The following SEC22C variants were observed in gnomAD, a reference collection of about 807,000 sequenced individuals.
The protein encoded by SEC22C is SEC22 homolog C, vesicle trafficking protein.
In SEC22C, 29 loss-of-function variants were observed where a neutral mutation model predicts 34.7. The ratio of observed to expected loss-of-function variants is 0.84; its 90% CI spans 0.62 to 1.14. The LOEUF (loss-of-function observed/expected upper bound fraction) is 1.14, where lower values mean the gene tolerates loss of function less well. Among genes scored for constraint, SEC22C ranks in the 50% most tolerant of loss-of-function variants. The pLI, the probability that SEC22C is intolerant of heterozygous loss-of-function variation, is 0.00. For missense variants in SEC22C, 337 were observed against 369.0 expected, an observed-to-expected ratio of 0.91 and a Z score of 0.71; for synonymous variants, 117 against 132.8, an observed-to-expected ratio of 0.88 and a Z score of 0.82.
chr3:42,595,924 G>C (rs1172737924), intron 1 of SEC22C, among the ~76,000 whole-genome samples: 1 of 152,212 alleles, frequency 6.6e-6, no homozygotes. Flanking sequence ...AGATAACGTG[G>C]TTGAGAACTG....
intron 5 of SEC22C, among the ~76,000 whole-genome samples, chr3:42,556,977 C>A (rs1445459993): frequency 6.6e-6 from 1 of 152,198 alleles, no homozygotes; most frequent in Non-Finnish European, 1.5e-5. Flanking sequence ...CCCACCTCAA[C>A]CTCCCAGAAG....
chr3:42,556,989 G>C (rs568986915), intron 5 of SEC22C, among the ~76,000 whole-genome samples: 1 of 152,246 alleles, frequency 6.6e-6, no homozygotes, highest in South Asian at 2.1e-4. Flanking sequence ...TCCCAGAAGT[G>C]CTGGAATTAC....
At chr3:42,554,773 A>G (rs1702424810) in intron 6 of SEC22C, among the ~76,000 whole-genome samples, 2 of 152,230 alleles carry the variant, frequency 1.3e-5, no homozygotes, top group Non-Finnish European at 2.9e-5. Context: ...ATCCTAGTCC[A>G]TACGGAGGAC....
chr3:42,590,562 G>A (rs2125739417), intron 1 of SEC22C, among the ~76,000 whole-genome samples: 1 of 152,038 alleles, frequency 6.6e-6, no homozygotes, highest in African/African-American at 2.4e-5. Context: ...CTCCAGCCTG[G>A]GCGACAGAGC....
chr3:42,561,358 C>A, intron 3 of SEC22C, 62 bp from the exon 4 acceptor site: 1 of 1,518,754 alleles, frequency 6.6e-7, no homozygotes, highest in East Asian at 2.3e-5. Context: ...TAAGACAATA[C>A]GTACAAAATG....
At position 42,597,148 on chromosome 3, in the gene SEC22C, G is replaced by T. The variant is rs771886805; in HGVS notation, c.-28+3812C>A. Among the ~76,000 whole-genome samples the T allele has an allele frequency of 2.2e-4, 34 of 152,202 alleles. 1 individual carries two copies. The highest frequency in any genetic ancestry group is 8.8e-5 in the Non-Finnish European group (6 of 68,052). ...AGCTTCTCAATTCAGCCTACAGACT[G>T]CTCCTCTAATAGACACACTGGACTC... On this transcript the variant is annotated intron_variant, in intron 1 of 6. Transcript: ENST00000417572.
rs1702240150 is a variant in SEC22C, at chr3:42,551,213, A to G, written c.*2035T>C. The G allele has an allele frequency of 3.0e-6, 3 of 985,330 alleles. No individual in the cohort carries two copies. Among genetic ancestry groups the G allele is most frequent in the Non-Finnish European group, 3.6e-6 (3 of 829,912 alleles). The allele number at this position is 985,330 out of a possible 1,614,324, so 61.0% of individuals were successfully genotyped here. A position where few individuals can be genotyped will look rare whatever the true frequency, so the allele number is the denominator to read the frequency against. ...CCTTAACTTCCCATTCTATTTCACC[A>G]TCTCTTCAAAATTGTCTCCCAGAAA... is the stretch of plus-strand genomic sequence containing the variant. On this transcript the variant is annotated 3_prime_UTR_variant, in exon 7 of 7. Transcript: ENST00000264454.
In SEC22C at chr3:42,557,726, G is replaced by C. The variant is rs1702616289; in HGVS notation, c.527-30C>G. 4.3e-6 allele frequency: 5 copies of C among 1,149,984 alleles called. No homozygotes were observed. The Admixed American group carries it at 9.4e-5, about 22-fold the overall frequency. The allele number at this position is 1,149,984 out of a possible 1,614,324, so 71.2% of individuals were successfully genotyped here. A position where few individuals can be genotyped will look rare whatever the true frequency, so the allele number is the denominator to read the frequency against. On this transcript the variant is annotated intron_variant, in intron 4 of 6. Coordinates refer to ENST00000264454, the MANE Select transcript of SEC22C (RefSeq NM_032970.4). Reference sequence around the variant, plus strand: ...ACAATGGAAAAAAAACAAGTGTCTAGTGTAAGTAATTTCTACATGAAAGAA... The same window carrying C: ...ACAATGGAAAAAAAACAAGTGTCTACTGTAAGTAATTTCTACATGAAAGAA...
At position 42,563,639 on chromosome 3, in the gene SEC22C, T is replaced by C. The variant is rs1703057083; in HGVS notation, c.230A>G (p.Gln77Arg). 5.0e-6 allele frequency: 8 copies of C among 1,614,022 alleles called. No individual in the cohort carries two copies. The highest frequency in any genetic ancestry group is 5.9e-6 in the Non-Finnish European group (7 of 1,180,012). Residue 77 changes from glutamine (Q) to arginine (R), a missense_variant, in exon 3 of 7, where the codon CAG (glutamine) becomes CGG (arginine). By Grantham distance (43) the Gln-to-Arg change is conservative (BLOSUM62 1). Transcript: ENST00000264454. ...GCAGAAGGCCATGGCTGCTGGACACTGGCAGGAGCAGATAGCCATGCAGGC... is the reference window on the plus strand; with the variant it reads ...GCAGAAGGCCATGGCTGCTGGACACCGGCAGGAGCAGATAGCCATGCAGGC... The part of the protein sequence containing the change: ...DVACMAICSC[Q>R]CPAAMAFCFL...
chr3:42,600,509 T>G (rs905202611), intron 1 of SEC22C: 2 of 151,758 alleles, frequency 1.3e-5, no homozygotes, highest in Non-Finnish European at 2.9e-5. Flanking sequence ...ATAGGAGCGC[T>G]GGCTGGAGGC....
At chr3:42,570,569 A>C (rs574237560) in intron 1 of SEC22C, among the ~76,000 whole-genome samples, 2 of 152,250 alleles carry the variant, frequency 1.3e-5, no homozygotes, top group Admixed American at 6.5e-5. Context: ...CCATTTCTCC[A>C]CACCTTCCAT....
In SEC22C at chr3:42,568,911, G is replaced by A. The variant is rs776062266; in HGVS notation, c.136C>T (p.Gln46Ter). 1.2e-6 allele frequency: 2 copies of A among 1,614,150 alleles called. No homozygotes were observed. Among genetic ancestry groups the A allele is most frequent in the East Asian group, 4.5e-5 (2 of 44,884 alleles). ...RLKSLALRLAQYPGRGSAEGC... is the reference protein window; with the variant it reads ...RLKSLALRLA Reference sequence around the variant, plus strand: ...TCTGCAGAACCTCGACCTGGATACTGGGCCAGTCGCAAGGCTAAACTCTTG... The same window carrying A: ...TCTGCAGAACCTCGACCTGGATACTAGGCCAGTCGCAAGGCTAAACTCTTG... Residue 46 changes from glutamine (Q) to a stop codon, truncating the protein, a stop_gained, in exon 2 of 7, where the codon CAG (glutamine) becomes TAG (stop). Coordinates refer to ENST00000264454, the MANE Select transcript of SEC22C (RefSeq NM_032970.4). LOFTEE classifies it high-confidence loss of function.
chr3:42,580,567 G>A (rs1704269940), intron 1 of SEC22C: 1 of 152,180 alleles, frequency 6.6e-6, no homozygotes, highest in African/African-American at 2.4e-5. Flanking sequence ...GAACTAAGAG[G>A]GGTAGGGAAC....
At chr3:42,591,456 G>C in intron 1 of SEC22C, 1 of 1,190,976 alleles carries the variant, frequency 8.4e-7, no homozygotes, top group Non-Finnish European at 1.3e-6. Flanking sequence ...GCCTCCCAAA[G>C]GGCCGGGGTT....
intron 1 of SEC22C, among the ~76,000 whole-genome samples, chr3:42,596,574 G>A (rs552758353): frequency 6.6e-6 from 1 of 152,194 alleles, no homozygotes; most frequent in South Asian, 2.1e-4. Flanking sequence ...AGATGGAGGA[G>A]GTGTCAGTCA....
At chr3:42,584,187 C>G (rs529167463), upstream of SEC22C, among the ~76,000 whole-genome samples, 1 of 152,234 alleles carries the variant, frequency 6.6e-6, no homozygotes, top group Non-Finnish European at 1.5e-5. Flanking sequence ...TCTGGAGAAC[C>G]TTGACTAATA....
intron 3 of SEC22C, among the ~76,000 whole-genome samples, chr3:42,561,669 G>A (rs565671954): frequency 4.2e-4 from 64 of 152,318 alleles, no homozygotes; most frequent in African/African-American, 1.3e-3. Flanking sequence ...GATAATAGGC[G>A]TGAACCATTG....
chr3:42,566,093 C>T (rs1703218846), intron 2 of SEC22C, among the ~76,000 whole-genome samples: 2 of 152,086 alleles, frequency 1.3e-5, no homozygotes, highest in Non-Finnish European at 2.9e-5. Context: ...ATCAGTTAAT[C>T]ACAGCATAGT....
At position 42,548,523 on chromosome 3, in the gene SEC22C, G is replaced by T; in HGVS notation, c.*4725C>A. ...ACATGCCCTTTTCCACAGGCTCCCT[G>T]CTGATGAGATTTCCCCAGCAGCAGA... On this transcript the variant is annotated 3_prime_UTR_variant, in exon 7 of 7. Coordinates refer to ENST00000264454, the MANE Select transcript of SEC22C (RefSeq NM_032970.4). The T allele has an allele frequency of 6.9e-7, 1 of 1,453,260 alleles. No homozygotes were observed. The highest frequency in any genetic ancestry group is 1.2e-5 in the South Asian group (1 of 86,424). 90.0% of individuals were successfully genotyped at this position (1,453,260 alleles called of 1,614,324 possible). A position where few individuals can be genotyped will look rare whatever the true frequency, so the allele number is the denominator to read the frequency against.
Sources: allele counts gnomAD v4.1 joint callset (sites outside exome capture counted in the v4.1 genomes callset), GRCh38; gene constraint gnomAD v4.1.1; transcripts MANE v1.5; gene names NCBI Gene and HGNC (gene_info 2026-07-23, HGNC 2026-07-21).